Variants in ANKRD36C observed in about 807,000 individuals in gnomAD.
ANKRD36C encodes ankyrin repeat domain-containing protein 36C.
ANKRD36C carries 61 observed loss-of-function variants against 276.4 expected under a neutral mutation model. That is an observed-to-expected ratio of 0.22 (90% CI 0.18 to 0.27). The LOEUF is 0.27. Ranked by LOEUF, ANKRD36C falls within the 10% of genes least tolerant of loss-of-function variation. The pLI is 1.00. For synonymous variants in ANKRD36C, 483 were observed against 680.1 expected, an observed-to-expected ratio of 0.71 and a Z score of 4.51; for missense variants, 1,447 against 2,032.3, an observed-to-expected ratio of 0.71 and a Z score of 5.54.
exon 55 of ANKRD36C, chr2:95,882,473 T>C (rs572502910): frequency 7.7e-6 from 12 of 1,551,188 alleles, no homozygotes; most frequent in South Asian, 2.4e-5. Flanking sequence ...AACTACCTTC[T>C]GGGCCGATTG....
intron 59 of ANKRD36C, among the ~76,000 whole-genome samples, chr2:95,870,685 GAGA>G: frequency 6.6e-6 from 1 of 152,342 alleles, no homozygotes; most frequent in South Asian, 2.1e-4. Context: ...GACGAGTTGA[GAGA>G]AGAAGGCTTC....
intron 64 of ANKRD36C, 188 bp downstream of exon 84, chr2:95,853,521 T>C: frequency 2.1e-6 from 1 of 474,848 alleles, no homozygotes; most frequent in Admixed American, 4.0e-5. Context: ...TGCATTATAA[T>C]AAAATCTTAA....
exon 59 of ANKRD36C, chr2:95,876,478 C>T (rs1194024914): frequency 3.7e-6 from 6 of 1,607,300 alleles, no homozygotes; most frequent in South Asian, 3.3e-5. Flanking sequence ...GCCTCTTTTG[C>T]TCTCCCTCTG....
At chr2:95,927,487 T>A in intron 26 of ANKRD36C, 78 bp from the exon 27 acceptor site, 1 of 1,590,518 alleles carries the variant, frequency 6.3e-7, no homozygotes. Context: ...AGTGTTAGCA[T>A]CAAACTATAT....
chr2:95,914,433 T>G, intron 38 of ANKRD36C, 130 bp from the exon 41 acceptor site: 1 of 1,213,794 alleles, frequency 8.2e-7, no homozygotes, highest in Non-Finnish European at 1.2e-6. Flanking sequence ...GCTTCTACTT[T>G]GTGTCTGGGG....
intron 34 of ANKRD36C, among the ~76,000 whole-genome samples, chr2:95,918,274 C>G (rs1016869783): frequency 6.6e-6 from 1 of 151,522 alleles, no homozygotes; most frequent in African/African-American, 2.4e-5. Context: ...ATTCGTCATA[C>G]GTCGAAAACT....
intron 10 of ANKRD36C, among the ~76,000 whole-genome samples, chr2:95,959,786 T>G (rs1445089064): frequency 1.3e-5 from 2 of 152,202 alleles, no homozygotes; most frequent in Non-Finnish European, 2.9e-5. Flanking sequence ...ACAAAACATA[T>G]ATCTCTGATG....
At chr2:95,911,876 G>A (rs1268807337) in intron 42 of ANKRD36C, among the ~76,000 whole-genome samples, 1 of 151,208 alleles carries the variant, frequency 6.6e-6, no homozygotes, top group Non-Finnish European at 1.5e-5. Flanking sequence ...ACAGCTTTCT[G>A]CCTGTTTTTA....
chr2:95,872,586 C>T (rs1313857343), intron 59 of ANKRD36C, among the ~76,000 whole-genome samples: 1 of 151,972 alleles, frequency 6.6e-6, no homozygotes, highest in Non-Finnish European at 1.5e-5. Flanking sequence ...AATTGACACC[C>T]TAACATCACA....
intron 13 of ANKRD36C, among the ~76,000 whole-genome samples, chr2:95,954,843 T>C (rs915012359): frequency 6.6e-6 from 1 of 152,148 alleles, no homozygotes; most frequent in Non-Finnish European, 1.5e-5. Context: ...CATCACTATC[T>C]AAATATCTTC....
rs1395167075 is a variant in ANKRD36C, at chr2:95,904,387, T to G, written c.2654-5051A>C. 6.8e-5 allele frequency among the ~76,000 whole-genome samples: 10 copies of G among 146,220 alleles called. No homozygotes were observed. The South Asian group carries it at 1.1e-3, about 16-fold the overall frequency. On this transcript the variant is annotated intron_variant, in intron 42 of 66. Coordinates refer to ENST00000456556, the Ensembl canonical transcript of ANKRD36C. ...GTGTATGGGTTATTACAACAAGTTT[T>G]CTGTCTGTTCTTAGCAGTACGATGT...
Position 95,880,665 on chromosome 2 carries a change from T to C in ANKRD36C, c.3368-42A>G, listed in dbSNP as rs1361776387. The C allele has an allele frequency of 9.2e-6, 14 of 1,515,268 alleles. No individual in the cohort carries two copies. In the East Asian group the frequency reaches 3.4e-4, roughly 37 times the overall value. The allele number at this position is 1,515,268 out of a possible 1,614,324, so 93.9% of individuals were successfully genotyped here. A position where few individuals can be genotyped will look rare whatever the true frequency, so the allele number is the denominator to read the frequency against. ...ATATATAATCAATCATATGTAAATA[T>C]GGTAAGGCCAACCATACATTTGTGG... On this transcript the variant is annotated intron_variant, in intron 56 of 66. Transcript: ENST00000456556.
rs575598453 is a variant in ANKRD36C, at chr2:95,853,571, A to G, written c.5148+138T>C. The G allele has an allele frequency of 5.3e-6, 4 of 760,388 alleles. No individual in the cohort carries two copies. In the East Asian group the frequency reaches 1.2e-4, roughly 22 times the overall value. 47.1% of individuals were successfully genotyped at this position (760,388 alleles called of 1,614,324 possible). A position where few individuals can be genotyped will look rare whatever the true frequency, so the allele number is the denominator to read the frequency against. Reference sequence around the variant, plus strand: ...AGGAAAATACAGAAGAAAGCCATCCACTATAAAATTTTAATAACATTAATT... The same window carrying G: ...AGGAAAATACAGAAGAAAGCCATCCGCTATAAAATTTTAATAACATTAATT... On this transcript the variant is annotated intron_variant, in intron 64 of 66. Coordinates refer to ENST00000456556, the Ensembl canonical transcript of ANKRD36C.
rs906825217 is a variant in ANKRD36C at position 95,925,644 on chromosome 2, C to A, written c.1940-97G>T. Reference sequence around the variant, plus strand: ...TTAGCATCAAGCTGTATCCTCCCACCTGCACTAGTGTAGGATTTGATGTTT... The same window carrying A: ...TTAGCATCAAGCTGTATCCTCCCACATGCACTAGTGTAGGATTTGATGTTT... On this transcript the variant is annotated intron_variant, in intron 28 of 66. Coordinates refer to ENST00000456556, the Ensembl canonical transcript of ANKRD36C. 3 of 1,270,246 alleles carry A rather than the reference C, an allele frequency of 2.4e-6. No homozygotes were observed. In the African/African-American group the frequency reaches 4.5e-5, roughly 19 times the overall value. 78.7% of individuals were successfully genotyped at this position (1,270,246 alleles called of 1,614,324 possible). A position where few individuals can be genotyped will look rare whatever the true frequency, so the allele number is the denominator to read the frequency against.
At chr2:95,987,396 G>C (rs1159447108) in intron 1 of ANKRD36C, among the ~76,000 whole-genome samples, 190 bp from the exon 2 acceptor site, 1 of 151,936 alleles carries the variant, frequency 6.6e-6, no homozygotes, top group Non-Finnish European at 1.5e-5. Context: ...GTTTAATTGG[G>C]GCTTAAAATT....
At chr2:95,945,562 A>G (rs1195274781) in intron 17 of ANKRD36C, among the ~76,000 whole-genome samples, 1 of 152,160 alleles carries the variant, frequency 6.6e-6, no homozygotes, top group Admixed American at 6.5e-5. Context: ...GGCATGATAT[A>G]TATTTGTGTG....
chr2:95,876,777 G>A (rs1254084491), intron 58 of ANKRD36C, among the ~76,000 whole-genome samples: 9 of 145,450 alleles, frequency 6.2e-5, no homozygotes, highest in African/African-American at 2.0e-4. Context: ...GCGTGAGCCC[G>A]GGAAGTGGAG....
At chr2:95,914,707 T>C (rs1430597017) in intron 38 of ANKRD36C, among the ~76,000 whole-genome samples, 1 of 151,574 alleles carries the variant, frequency 6.6e-6, no homozygotes, top group East Asian at 2.0e-4. Context: ...ATTTACACCA[T>C]TATACTACAA....
intron 6 of ANKRD36C, among the ~76,000 whole-genome samples, chr2:95,963,972 A>AATATATATATATAAATATAT (rs1678521681): frequency 2.0e-5 from 1 of 48,994 alleles, no homozygotes; most frequent in African/African-American, 8.4e-5. Flanking sequence ...TATATATATA[A>AATATATATATATAAATATAT]ATATATATAT....
Sources: allele counts gnomAD v4.1 joint callset (sites outside exome capture counted in the v4.1 genomes callset), GRCh38; gene constraint gnomAD v4.1.1; transcripts MANE v1.5; gene names NCBI Gene and HGNC (gene_info 2026-07-23, HGNC 2026-07-21).